ETFDH: variants seen among roughly 807,000 people sequenced by gnomAD.
The protein encoded by ETFDH is electron transfer flavoprotein-ubiquinone oxidoreductase, mitochondrial.
Under a neutral mutation model 73.2 loss-of-function variants are expected in ETFDH, and 61 were observed. The observed-to-expected ratio is 0.83, with a 90% CI of 0.68 to 1.03. The LOEUF (loss-of-function observed/expected upper bound fraction) is 1.03. ETFDH is among the 50% of genes least tolerant of loss of function. ETFDH has a pLI of 0.00. For synonymous variants in ETFDH, 243 were observed against 253.3 expected (o/e 0.96, Z 0.39); for missense variants, 685 against 745.0 (o/e 0.92, Z 0.94).
rs780698954 is a variant in ETFDH at position 158,684,606 on chromosome 4, T to G, written c.420T>G (p.Thr140=). ...DWKEKGAPLN[T]PVTEDRFGIL... ...TTTATTTCTAGGCTCCACTTAACACTCCTGTAACAGAAGACAGATTTGGAA... is the reference window on the plus strand; with the variant it reads ...TTTATTTCTAGGCTCCACTTAACACGCCTGTAACAGAAGACAGATTTGGAA... Residue 140 remains threonine (T), a synonymous_variant, in exon 4 of 13, where the codon ACT becomes ACG. Transcript: ENST00000511912. 1 of 1,560,806 alleles carries G rather than the reference T, an allele frequency of 6.4e-7. No individual in the cohort carries two copies. The highest frequency in any genetic ancestry group is 8.8e-7 in the Non-Finnish European group (1 of 1,131,662).
chr4:158,676,202 G>C (rs563566078), intron 1 of ETFDH, among the ~76,000 whole-genome samples: 1 of 152,242 alleles, frequency 6.6e-6, no homozygotes, highest in South Asian at 2.1e-4. Context: ...TCAGAAAGTG[G>C]GGAGTGCCAA....
chr4:158,679,512 T>C (rs1342928751), intron 1 of ETFDH: 1 of 152,148 alleles, frequency 6.6e-6, no homozygotes, highest in Non-Finnish European at 1.5e-5. Flanking sequence ...ACTGAGATAA[T>C]GAACAAAGTA....
chr4:158,691,455 G>C (rs948821594), intron 6 of ETFDH, among the ~76,000 whole-genome samples: 2 of 152,176 alleles, frequency 1.3e-5, no homozygotes, highest in African/African-American at 2.4e-5. Flanking sequence ...CTCCCGAGTA[G>C]CTGGGATTAC....
rs769335503 is a variant in ETFDH at position 158,706,615 on chromosome 4, C to G, written c.1469-14C>G. The G allele has an allele frequency of 6.2e-7, 1 of 1,603,876 alleles. No homozygotes were observed. Among genetic ancestry groups the G allele is most frequent in the Non-Finnish European group, 8.5e-7 (1 of 1,170,726 alleles). ...ATCATATTTTGTTAAGCATTTCCCTCAAAATTGTTGAAGGTTCTGACTTTG... is the reference window on the plus strand; with the variant it reads ...ATCATATTTTGTTAAGCATTTCCCTGAAAATTGTTGAAGGTTCTGACTTTG... On this transcript the variant is annotated splice_polypyrimidine_tract_variant and intron_variant, in intron 11 of 12. Transcript: ENST00000511912.
chr4:158,672,569 C>T (rs1249013433), intron 1 of ETFDH, 79 bp downstream of exon 1: 6 of 1,359,132 alleles, frequency 4.4e-6, no homozygotes, highest in African/African-American at 2.9e-5. Context: ...GCTGTAGGCA[C>T]CTCTCGCCCC....
At chr4:158,684,164 T>C (rs1245027853) in intron 3 of ETFDH, among the ~76,000 whole-genome samples, 2 of 152,152 alleles carry the variant, frequency 1.3e-5, no homozygotes, top group Non-Finnish European at 2.9e-5. Context: ...CCAAGGCGGA[T>C]GGATGACTTG....
At chr4:158,672,753 T>C (rs1773608637) in intron 1 of ETFDH, among the ~76,000 whole-genome samples, 1 of 151,958 alleles carries the variant, frequency 6.6e-6, no homozygotes, top group South Asian at 2.1e-4. Context: ...CCACCACCTG[T>C]CAACACACAC....
rs369555387 is a variant in ETFDH, at chr4:158,703,380, T to C, written c.1117-43T>C. On this transcript the variant is annotated intron_variant, in intron 9 of 12. Coordinates refer to ENST00000511912, the MANE Select transcript of ETFDH (RefSeq NM_004453.4). ...TTTGGAGTATTCTGTTGTTCTTGTT[T>C]AATATGAACTAACAAATGTATTCTG... 179 of 1,382,920 alleles carry C rather than the reference T, an allele frequency of 1.3e-4. 3 individuals are homozygous for C. In the East Asian group the frequency reaches 2.5e-3, roughly 19 times the overall value. 85.7% of individuals were successfully genotyped at this position (1,382,920 alleles called of 1,614,324 possible).
intron 12 of ETFDH, among the ~76,000 whole-genome samples, chr4:158,707,255 T>G (rs183382502): frequency 6.6e-6 from 1 of 152,342 alleles, no homozygotes; most frequent in Non-Finnish European, 1.5e-5. Context: ...GAATATTCTT[T>G]CAGTGCTGAG....
chr4:158,678,458 C>T (rs944620877), intron 1 of ETFDH, among the ~76,000 whole-genome samples: 16 of 152,118 alleles, frequency 1.1e-4, no homozygotes, highest in Middle Eastern at 3.2e-3. Context: ...ATCAGGGATA[C>T]ATGGTATCAA....
intron 10 of ETFDH, among the ~76,000 whole-genome samples, chr4:158,705,938 G>A (rs144744302): frequency 9.3e-4 from 142 of 152,272 alleles, no homozygotes; most frequent in African/African-American, 3.4e-3. Flanking sequence ...AAAGTTAGTA[G>A]GGTGTGGTGG....
chr4:158,691,997 G>A (rs1229424077), intron 6 of ETFDH, among the ~76,000 whole-genome samples: 4 of 152,318 alleles, frequency 2.6e-5, no homozygotes, highest in Non-Finnish European at 4.4e-5. Flanking sequence ...CAGTAAATAT[G>A]TGTCAACTGA....
chr4:158,678,414 C>T (rs1299286365), intron 1 of ETFDH, among the ~76,000 whole-genome samples: 1 of 152,126 alleles, frequency 6.6e-6, no homozygotes, highest in Non-Finnish European at 1.5e-5. Flanking sequence ...GGGATAAATA[C>T]CACAGAGATA....
At chr4:158,672,605 T>G in intron 1 of ETFDH, 115 bp downstream of exon 1, 1 of 1,101,224 alleles carries the variant, frequency 9.1e-7, no homozygotes, top group Admixed American at 1.8e-5. Context: ...TCTCAGGCTA[T>G]CTAGGGCAAA....
In ETFDH at chr4:158,682,311, A is replaced by G. The variant is rs138433751; in HGVS notation, c.292A>G (p.Ile98Val). Residue 98 changes from isoleucine (I) to valine (V), a missense_variant, in exon 3 of 13, where the codon ATC becomes GTC. By Grantham distance (29) the Ile-to-Val change is conservative (BLOSUM62 3). Coordinates refer to ENST00000511912, the MANE Select transcript of ETFDH (RefSeq NM_004453.4). ...GTTGGCTGTGGCACATGAAAAGGAC[A>G]TCCGTGTGTGTCTAGTGGAGAAAGC... ...KQLAVAHEKD[I>V]RVCLVEKAAQ... 1.2e-6 allele frequency: 2 copies of G among 1,614,014 alleles called. No individual in the cohort carries two copies. The highest frequency in any genetic ancestry group is 1.7e-6 in the Non-Finnish European group (2 of 1,180,016).
rs746903871 is a variant in ETFDH at position 158,672,483 on chromosome 4, C to T, written c.27C>T (p.Ser9=). Residue 9 remains serine, a synonymous_variant, in exon 1 of 13, where the codon TCC becomes TCT. Coordinates refer to ENST00000511912, the MANE Select transcript of ETFDH (RefSeq NM_004453.4). ...TGCTGGTGCCGCTAGCCAAGCTGTC[C>T]TGCCTGGGTGAGAGGAAACGGGCGG... MLVPLAKL[S]CLAYQCFHAL... 2.5e-6 allele frequency: 4 copies of T among 1,614,052 alleles called. No homozygotes were observed. The South Asian group carries it at 3.3e-5, about 13-fold the overall frequency.
intron 5 of ETFDH, among the ~76,000 whole-genome samples, chr4:158,686,259 C>T (rs776171363): frequency 4.6e-5 from 7 of 152,124 alleles, no homozygotes; most frequent in African/African-American, 7.2e-5. Flanking sequence ...TGATACCCTT[C>T]CTCACCCATC....
intron 6 of ETFDH, among the ~76,000 whole-genome samples, chr4:158,692,178 G>A (rs550091298): frequency 3.9e-5 from 6 of 152,116 alleles, no homozygotes; most frequent in Admixed American, 3.3e-4. Flanking sequence ...CAGATCACGA[G>A]GTCAGGAGAT....
intron 10 of ETFDH, among the ~76,000 whole-genome samples, chr4:158,703,869 G>T (rs529702027): frequency 6.6e-6 from 1 of 152,212 alleles, no homozygotes; most frequent in Non-Finnish European, 1.5e-5. Context: ...GGCTGAGGCG[G>T]GTGGATCATC....
Sources: allele counts gnomAD v4.1 joint callset (sites outside exome capture counted in the v4.1 genomes callset), GRCh38; gene constraint gnomAD v4.1.1; transcripts MANE v1.5; gene names NCBI Gene and HGNC (gene_info 2026-07-23, HGNC 2026-07-21).